Variants in CCSER1 observed in about 807,000 individuals in gnomAD.
CCSER1 encodes serine-rich coiled-coil domain-containing protein 1.
CCSER1 carries 41 observed loss-of-function variants against 82.0 expected under a neutral mutation model. The observed-to-expected ratio is 0.50, with a 90% CI of 0.39 to 0.65. CCSER1 has a LOEUF of 0.65. Among genes scored for constraint, CCSER1 ranks in the 30% least tolerant of loss-of-function variants. The pLI, the probability that CCSER1 is intolerant of heterozygous loss-of-function variation, is 0.00. For missense variants in CCSER1, 1,119 were observed against 1,064.2 expected (o/e 1.05, Z -0.72); for synonymous variants, 414 against 383.9 (o/e 1.08, Z -0.92).
intron 5 of CCSER1, among the ~76,000 whole-genome samples, chr4:90,489,541 T>C (rs962050961): frequency 6.6e-6 from 1 of 152,200 alleles, no homozygotes; most frequent in East Asian, 1.9e-4. Context: ...TTTATTATAC[T>C]TCAAGTGCTA....
At chr4:91,323,760 C>T (rs930846305) in intron 10 of CCSER1, among the ~76,000 whole-genome samples, 1 of 152,142 alleles carries the variant, frequency 6.6e-6, no homozygotes, top group Non-Finnish European at 1.5e-5. Flanking sequence ...ACAAGGAAGA[C>T]CTTGCTAGCG....
Position 90,457,169 on chromosome 4 carries a change from C to T in CCSER1, c.1604-11065C>T, listed in dbSNP as rs193193954. 4.5e-3 allele frequency among the ~76,000 whole-genome samples: 686 copies of T among 152,234 alleles called. 7 individuals are homozygous for T. Among genetic ancestry groups the T allele is most frequent in the African/African-American group, 0.015 (631 of 41,546 alleles). On this transcript the variant is annotated intron_variant, in intron 4 of 10. Transcript: ENST00000509176. ...GAGGCTATGGCTGGACCAGGTGTACCGCAAGTGGCTTCCACTGCAGGCACC... is the reference window on the plus strand; with the variant it reads ...GAGGCTATGGCTGGACCAGGTGTACTGCAAGTGGCTTCCACTGCAGGCACC...
rs1302170036 is a variant in CCSER1 at position 91,558,419 on chromosome 4, G to A, written c.2218-40153G>A. ...TATTTAAATATTGCTGTAACAATGT[G>A]AGTTTTTTTTGTTTGTTTATAAATG... is the stretch of plus-strand genomic sequence containing the variant. On this transcript the variant is annotated intron_variant, in intron 10 of 10. Coordinates refer to ENST00000509176, the MANE Select transcript of CCSER1 (RefSeq NM_001145065.2). Among the ~76,000 whole-genome samples, 3 of 151,626 alleles carry A rather than the reference G, an allele frequency of 2.0e-5. No individual in the cohort carries two copies. The East Asian group carries it at 5.8e-4, about 29-fold the overall frequency.
intron 5 of CCSER1, among the ~76,000 whole-genome samples, chr4:90,606,856 A>G (rs1303307566): frequency 2.0e-5 from 3 of 152,202 alleles, no homozygotes; most frequent in Non-Finnish European, 4.4e-5. Flanking sequence ...TCCATAATGT[A>G]TAAATATTAA....
At chr4:90,437,456 AAACTT>A (rs985974465) in intron 4 of CCSER1, among the ~76,000 whole-genome samples, 2 of 152,166 alleles carry the variant, frequency 1.3e-5, no homozygotes, top group Non-Finnish European at 2.9e-5. Flanking sequence ...TGGAAGCAAA[AAACTT>A]AAATTTAGAT....
At chr4:91,046,358 TAC>T (rs928444650) in intron 9 of CCSER1, among the ~76,000 whole-genome samples, 1 of 127,020 alleles carries the variant, frequency 7.9e-6, no homozygotes, top group African/African-American at 2.5e-5. Flanking sequence ...AGAAAATTCT[TAC>T]ACTTTTCTAT....
chr4:91,272,131 T>C (rs1742082910), intron 10 of CCSER1, among the ~76,000 whole-genome samples: 1 of 152,304 alleles, frequency 6.6e-6, no homozygotes, highest in East Asian at 1.9e-4. Context: ...TAGCCAATAC[T>C]GGGATCAAAT....
intron 1 of CCSER1, among the ~76,000 whole-genome samples, chr4:90,298,292 T>C (rs904190633): frequency 3.3e-5 from 5 of 152,198 alleles, no homozygotes; most frequent in African/African-American, 1.2e-4. Context: ...GGGGTGTTTG[T>C]AGTATTATCT....
chr4:90,229,392 A>G (rs1743957494), intron 1 of CCSER1, among the ~76,000 whole-genome samples: 1 of 152,172 alleles, frequency 6.6e-6, no homozygotes, highest in African/African-American at 2.4e-5. Context: ...TGAGGGAGAA[A>G]TAAAATACTT....
intron 10 of CCSER1, among the ~76,000 whole-genome samples, chr4:91,292,226 G>GT (rs1743804287): frequency 1.3e-5 from 2 of 151,950 alleles, no homozygotes; most frequent in Admixed American, 1.3e-4. Context: ...CTGGGTATTT[G>GT]TACAACTGAA....
chr4:90,803,368 C>A (rs985678592), intron 7 of CCSER1, among the ~76,000 whole-genome samples: 1 of 143,754 alleles, frequency 7.0e-6, no homozygotes, highest in East Asian at 2.1e-4. Flanking sequence ...CTTAGTCCCC[C>A]ACCCCCTGAC....
rs1404627317 is a variant in CCSER1 at position 91,474,810 on chromosome 4, TATAC to T, written c.2218-123760_2218-123757del. Among the ~76,000 whole-genome samples, 336 of 67,700 alleles carry T rather than the reference TATAC, an allele frequency of 5.0e-3. 2 individuals carry two copies. The highest frequency in any genetic ancestry group is 7.3e-3 in the Non-Finnish European group (255 of 35,024). 44.4% of individuals were successfully genotyped at this position (67,700 alleles called of 152,430 possible). A position where few individuals can be genotyped will look rare whatever the true frequency, so the allele number is the denominator to read the frequency against. ...GTGTATATATATATATATATATATA[TATAC>T]ACACACACACACACACACACACACA... On this transcript the variant is annotated intron_variant, in intron 10 of 10. Coordinates refer to ENST00000509176, the MANE Select transcript of CCSER1 (RefSeq NM_001145065.2).
intron 10 of CCSER1, among the ~76,000 whole-genome samples, chr4:91,486,395 T>A (rs565809987): frequency 6.6e-6 from 1 of 152,162 alleles, no homozygotes; most frequent in African/African-American, 2.4e-5. Context: ...TTTTTTGAAA[T>A]ATTACAATGC....
intron 3 of CCSER1, among the ~76,000 whole-genome samples, chr4:90,356,150 C>T (rs1744340788): frequency 1.3e-5 from 2 of 151,672 alleles, no homozygotes; most frequent in Admixed American, 1.3e-4. Context: ...ATAGTTTGCC[C>T]AACTTACAGT....
chr4:90,392,217 CA>C (rs1751299039), intron 3 of CCSER1, among the ~76,000 whole-genome samples: 1 of 151,842 alleles, frequency 6.6e-6, no homozygotes, highest in African/African-American at 2.4e-5. Context: ...TTATACTCAT[CA>C]GTTTTCTTTT....
At chr4:91,314,207 C>G (rs1745679241) in intron 10 of CCSER1, among the ~76,000 whole-genome samples, 1 of 151,940 alleles carries the variant, frequency 6.6e-6, no homozygotes. Flanking sequence ...TTTATTCTCC[C>G]TTACTGTATC....
chr4:91,146,891 G>A (rs1228264301), intron 10 of CCSER1, among the ~76,000 whole-genome samples: 1 of 152,154 alleles, frequency 6.6e-6, no homozygotes, highest in Non-Finnish European at 1.5e-5. Context: ...TGTGTATGCA[G>A]CAATGCTCTG....
At chr4:91,404,125 G>T (rs1315170194) in intron 10 of CCSER1, among the ~76,000 whole-genome samples, 1 of 152,110 alleles carries the variant, frequency 6.6e-6, no homozygotes, top group Non-Finnish European at 1.5e-5. Context: ...TTAATCTTGG[G>T]AGGGTGTATG....
intron 9 of CCSER1, among the ~76,000 whole-genome samples, chr4:91,080,934 A>C (rs1417875294): frequency 1.3e-5 from 2 of 152,320 alleles, no homozygotes; most frequent in East Asian, 3.9e-4. Flanking sequence ...CAACCAAAAA[A>C]AGTCCAGGAC....
Sources: gnomAD v4.1 joint callset for allele counts (sites outside exome capture counted in the v4.1 genomes callset) on GRCh38, gnomAD v4.1.1 for gene constraint, MANE v1.5 for transcripts, NCBI Gene and HGNC (gene_info 2026-07-23, HGNC 2026-07-21) for gene names.